NDUFS5: variants seen among roughly 807,000 people sequenced by gnomAD.
NDUFS5 encodes NADH dehydrogenase [ubiquinone] iron-sulfur protein 5.
Under a neutral mutation model 10.5 loss-of-function variants are expected in NDUFS5, and 7 were observed. The ratio of observed to expected loss-of-function variants is 0.66; its 90% CI spans 0.38 to 1.25. The LOEUF (loss-of-function observed/expected upper bound fraction) is 1.25, where lower values mean the gene tolerates loss of function less well. Ranked by LOEUF, NDUFS5 falls within the 50% of genes most tolerant of loss-of-function variation. The probability of loss-of-function intolerance (pLI) is 0.02; values close to 1 mark genes in which losing one functional copy is unlikely to be tolerated. For missense variants in NDUFS5, 148 were observed against 140.7 expected (o/e 1.05, Z -0.26); for synonymous variants, 38 against 44.0 (o/e 0.86, Z 0.54).
At chr1:39,032,385 C>A (rs1318625972) in intron 2 of NDUFS5, among the ~76,000 whole-genome samples, 1 of 152,136 alleles carries the variant, frequency 6.6e-6, no homozygotes, top group Non-Finnish European at 1.5e-5. Context: ...TGTTGGGAGA[C>A]TCTAAGATAA....
intron 2 of NDUFS5, 108 bp downstream of exon 2, chr1:39,029,048 G>C (rs917984579): frequency 2.0e-6 from 2 of 1,019,154 alleles, no homozygotes; most frequent in Non-Finnish European, 2.8e-6. Context: ...GCTGGTGTGT[G>C]ATGGCGCCAC....
chr1:39,028,965 C>T (rs1221979124), intron 2 of NDUFS5, 25 bp downstream of exon 2: 1 of 1,589,652 alleles, frequency 6.3e-7, no homozygotes, highest in Non-Finnish European at 8.6e-7. Flanking sequence ...GAGGTGGAAG[C>T]TGAATTACTT....
intron 2 of NDUFS5, among the ~76,000 whole-genome samples, chr1:39,031,130 A>G (rs890165724): frequency 1.3e-5 from 2 of 152,082 alleles, no homozygotes; most frequent in Admixed American, 6.6e-5. Context: ...TTGGCCTCCC[A>G]AAATGCTGGG....
intron 1 of NDUFS5, among the ~76,000 whole-genome samples, chr1:39,026,790 C>T (rs3768324): frequency 0.26 from 38,849 of 152,204 alleles, 5,147 homozygotes; most frequent in East Asian, 0.3. Context: ...CCAGCACTTC[C>T]GGCTGTAACT....
chr1:39,027,683 C>T (rs142567753), intron 1 of NDUFS5, among the ~76,000 whole-genome samples: 1 of 140,498 alleles, frequency 7.1e-6, no homozygotes. Context: ...GCCTCAGTCT[C>T]CTGCCTCAGC....
At chr1:39,032,553 T>A (rs988923007) in intron 2 of NDUFS5, among the ~76,000 whole-genome samples, 1 of 151,818 alleles carries the variant, frequency 6.6e-6, no homozygotes, top group Non-Finnish European at 1.5e-5. Context: ...GTTAAAAAAA[T>A]TATGTCAGAA....
intron 1 of NDUFS5, among the ~76,000 whole-genome samples, chr1:39,028,449 C>T (rs533500976): frequency 1.3e-5 from 2 of 151,982 alleles, no homozygotes; most frequent in African/African-American, 2.4e-5. Context: ...GGTGAGCCAC[C>T]GCTCCTGACC....
chr1:39,027,808 C>CTTTTTTTTTT (rs1644161845), intron 1 of NDUFS5, among the ~76,000 whole-genome samples: 1 of 19,700 alleles, frequency 5.1e-5, no homozygotes, highest in African/African-American at 1.5e-4. Flanking sequence ...TTTTTTTCTT[C>CTTTTTTTTTT]TTCTTCTTTT....
intron 1 of NDUFS5, among the ~76,000 whole-genome samples, chr1:39,028,293 G>C (rs953911716): frequency 4.0e-5 from 6 of 151,810 alleles, no homozygotes; most frequent in African/African-American, 1.5e-4. Context: ...TTAGCTGGGC[G>C]TGGTGGTGCG....
chr1:39,027,739 CTTTTTT>C (rs1162808002), intron 1 of NDUFS5, among the ~76,000 whole-genome samples: 1 of 43,360 alleles, frequency 2.3e-5, no homozygotes, highest in Admixed American at 3.3e-4. Context: ...CCACAAGTGC[CTTTTTT>C]TTTTTTTTTT....
intron 2 of NDUFS5, among the ~76,000 whole-genome samples, chr1:39,030,419 A>AAGAAAATAAAAAAAAGATTTTGAT (rs1644182328): frequency 7.7e-6 from 1 of 129,034 alleles, no homozygotes; most frequent in African/African-American, 2.8e-5. Flanking sequence ...AAAAAAAAAA[A>AAGAAAATAAAAAAAAGATTTTGAT]AAGATGGCCC....
At chr1:39,029,014 C>CTTT in intron 2 of NDUFS5, 74 bp downstream of exon 2, 2 of 1,353,520 alleles carry the variant, frequency 1.5e-6, no homozygotes, top group Non-Finnish European at 2.0e-6. Flanking sequence ...TTTTTTGAGA[C>CTTT]GAAGTCTCAC....
Position 39,028,793 on chromosome 1 carries a change from T to C in NDUFS5, c.69T>C (p.Gly23=), listed in dbSNP as rs147370840. Residue 23 remains glycine (G), a synonymous_variant, in exon 2 of 3, where the codon GGT becomes GGC. Coordinates refer to ENST00000372969, the MANE Select transcript of NDUFS5 (RefSeq NM_004552.3). ...ATCGATGGTTGACAATCCAGAGTGG[T>C]GAACAGCCCTACAAGATGGCTGGTC... ...NIDRWLTIQS[G]EQPYKMAGRC... 1.7e-5 allele frequency: 28 copies of C among 1,614,044 alleles called. No homozygotes were observed. In the Admixed American group the frequency reaches 3.2e-4, roughly 18 times the overall value.
intron 2 of NDUFS5, 38 bp from the exon 3 acceptor site, chr1:39,034,354 T>A: frequency 6.3e-7 from 1 of 1,598,988 alleles, no homozygotes; most frequent in Non-Finnish European, 8.6e-7. Flanking sequence ...TTGGCACATA[T>A]CTCCTCCCTC....
intron 2 of NDUFS5, among the ~76,000 whole-genome samples, chr1:39,031,583 G>A (rs1644191080): frequency 6.6e-6 from 1 of 152,152 alleles, no homozygotes; most frequent in Non-Finnish European, 1.5e-5. Context: ...TGGGATTACA[G>A]AAATGAGCCG....
chr1:39,031,407 C>G (rs1287745502), intron 2 of NDUFS5, among the ~76,000 whole-genome samples: 5 of 152,098 alleles, frequency 3.3e-5, no homozygotes, highest in Admixed American at 3.3e-4. Flanking sequence ...CTCCTAGGCA[C>G]AAGTCATCCT....
At chr1:39,029,135 G>A (rs1051090714) in intron 2 of NDUFS5, among the ~76,000 whole-genome samples, 195 bp downstream of exon 2, 1 of 151,928 alleles carries the variant, frequency 6.6e-6, no homozygotes. Context: ...TGGGATTATA[G>A]GCACCTGCCA....
intron 1 of NDUFS5, among the ~76,000 whole-genome samples, chr1:39,028,388 C>T (rs1256562792): frequency 6.6e-6 from 1 of 152,060 alleles, no homozygotes; most frequent in African/African-American, 2.4e-5. Context: ...GCCAAGATTG[C>T]ACCATGCGCT....
chr1:39,028,704 T>C lies in NDUFS5; in HGVS notation c.-2-19T>C, dbSNP rs1644169631. 1.9e-6 allele frequency: 3 copies of C among 1,610,578 alleles called. No individual in the cohort carries two copies. In the South Asian group the frequency reaches 3.3e-5, roughly 18 times the overall value. On this transcript the variant is annotated intron_variant, in intron 1 of 2. Coordinates refer to ENST00000372969, the MANE Select transcript of NDUFS5 (RefSeq NM_004552.3). ...TTGTGGTATTTTATTTACTTATTTT[T>C]TTAAATCTTCCATTACAGCCATGCC...
Sources: allele counts gnomAD v4.1 joint callset (sites outside exome capture counted in the v4.1 genomes callset), GRCh38; gene constraint gnomAD v4.1.1; transcripts MANE v1.5; gene names NCBI Gene and HGNC (gene_info 2026-07-23, HGNC 2026-07-21).